Variants in RAB11FIP4 observed in about 807,000 individuals in gnomAD.
The protein encoded by RAB11FIP4 is rab11 family-interacting protein 4.
A neutral mutation model predicts 74.3 loss-of-function variants in RAB11FIP4; 23 were observed. The observed-to-expected ratio is 0.31, with a 90% CI of 0.22 to 0.44. RAB11FIP4 has a LOEUF of 0.44. RAB11FIP4 is among the 20% of genes least tolerant of loss of function. The pLI, the probability that RAB11FIP4 is intolerant of heterozygous loss-of-function variation, is 1.00. For synonymous variants in RAB11FIP4, 360 were observed against 359.9 expected (o/e 1.00, Z 0.00); for missense variants, 630 against 863.9 (o/e 0.73, Z 3.39).
intron 3 of RAB11FIP4, among the ~76,000 whole-genome samples, chr17:31,436,136 G>C (rs959144596): frequency 3.9e-5 from 6 of 152,118 alleles, no homozygotes; most frequent in African/African-American, 1.4e-4. Context: ...TACCCACGTG[G>C]GCCACCCAGG....
chr17:31,505,518 T>TATA lies in RAB11FIP4; in HGVS notation c.337-12132_337-12130dup, dbSNP rs1169346486. On this transcript the variant is annotated intron_variant, in intron 3 of 14. Coordinates refer to ENST00000621161, the MANE Select transcript of RAB11FIP4 (RefSeq NM_032932.6). ...TAATTATTATATTATATATAATAATTATATATTATATATAATTATTATATA... is the reference window on the plus strand; with the variant it reads ...TAATTATTATATTATATATAATAATTATAATATATTATATATAATTATTATATA... 5.9e-4 allele frequency among the ~76,000 whole-genome samples: 53 copies of TATA among 90,408 alleles called. 1 individual carries two copies. The highest frequency in any genetic ancestry group is 2.2e-3 in the African/African-American group (48 of 22,230). 59.3% of individuals were successfully genotyped at this position (90,408 alleles called of 152,430 possible).
chr17:31,411,991 A>G (rs1381035005), intron 1 of RAB11FIP4, among the ~76,000 whole-genome samples: 3 of 152,206 alleles, frequency 2.0e-5, no homozygotes, highest in Non-Finnish European at 4.4e-5. Context: ...CGAGCATCTC[A>G]TGAGGGGCCG....
intron 1 of RAB11FIP4, among the ~76,000 whole-genome samples, chr17:31,398,122 T>C (rs1171948758): frequency 6.6e-6 from 1 of 151,958 alleles, no homozygotes; most frequent in Admixed American, 6.6e-5. Context: ...CGTTGCAACC[T>C]CCAACTCCGG....
intron 3 of RAB11FIP4, among the ~76,000 whole-genome samples, chr17:31,447,238 T>C (rs372957756): frequency 3.3e-5 from 5 of 152,196 alleles, no homozygotes; most frequent in South Asian, 2.1e-4. Context: ...GAGCCGAGAT[T>C]GTGCCACTGC....
intron 3 of RAB11FIP4, chr17:31,488,156 T>C (rs2071934475): frequency 1.9e-6 from 2 of 1,058,400 alleles, no homozygotes; most frequent in Non-Finnish European, 1.1e-6. Context: ...CGATTGTTCC[T>C]GCGCTTCGGG....
At chr17:31,439,346 C>T (rs1044283560) in intron 3 of RAB11FIP4, among the ~76,000 whole-genome samples, 1 of 152,194 alleles carries the variant, frequency 6.6e-6, no homozygotes, top group African/African-American at 2.4e-5. Flanking sequence ...TATGAGATTG[C>T]CCCTTTCCCC....
chr17:31,397,812 G>A (rs2070944676), intron 1 of RAB11FIP4, among the ~76,000 whole-genome samples: 1 of 152,098 alleles, frequency 6.6e-6, no homozygotes, highest in Admixed American at 6.5e-5. Context: ...TGGCTGTGCT[G>A]GGAGGAGGCC....
chr17:31,446,974 A>AC (rs956794294), intron 3 of RAB11FIP4, among the ~76,000 whole-genome samples: 3 of 152,086 alleles, frequency 2.0e-5, no homozygotes, highest in African/African-American at 7.2e-5. Context: ...GCAAAGTGAG[A>AC]CCCCCATATC....
At chr17:31,443,872 G>C (rs1367379098) in intron 3 of RAB11FIP4, among the ~76,000 whole-genome samples, 1 of 152,210 alleles carries the variant, frequency 6.6e-6, no homozygotes, top group African/African-American at 2.4e-5. Flanking sequence ...CAGAGATTGT[G>C]CCACTGCACT....
Position 31,537,925 on chromosome 17 carries a change from A to C in RAB11FIP4, c.*6193A>C, listed in dbSNP as rs2072995102. 2 of 152,714 alleles carry C rather than the reference A, an allele frequency of 1.3e-5. No individual in the cohort carries two copies. Among genetic ancestry groups the C allele is most frequent in the Non-Finnish European group, 1.5e-5 (1 of 68,088 alleles). The allele number at this position is 152,714 out of a possible 1,614,324, so 9.5% of individuals were successfully genotyped here. A position where few individuals can be genotyped will look rare whatever the true frequency, so the allele number is the denominator to read the frequency against. Reference sequence around the variant, plus strand: ...TGGAATGAACTACACATGTGGCCTCATGCCCAAGGGTTTGTTAGATGGCCT... The same window carrying C: ...TGGAATGAACTACACATGTGGCCTCCTGCCCAAGGGTTTGTTAGATGGCCT... On this transcript the variant is annotated 3_prime_UTR_variant, in exon 15 of 15. Transcript: ENST00000621161.
intron 3 of RAB11FIP4, among the ~76,000 whole-genome samples, chr17:31,476,122 G>A (rs1464015960): frequency 1.4e-5 from 2 of 144,482 alleles, no homozygotes; most frequent in African/African-American, 5.1e-5. Context: ...TTCTGTGTTT[G>A]TAGTGACTTC....
At chr17:31,434,234 C>T (rs980857490) in intron 3 of RAB11FIP4, 112 bp downstream of exon 3, 3 of 825,886 alleles carry the variant, frequency 3.6e-6, no homozygotes, top group Non-Finnish European at 5.9e-6. Context: ...TCTGAGGACC[C>T]TTCTTGAGCA....
chr17:31,512,995 C>G lies in RAB11FIP4; in HGVS notation c.337-4656C>G, dbSNP rs2072480061. ...CCTGTCCCTGCCCCACCACTCCTGC[C>G]AGCCCTCCAGAGCCAGGCTTGGGTG... is the stretch of plus-strand genomic sequence containing the variant. On this transcript the variant is annotated intron_variant, in intron 3 of 14. Coordinates refer to ENST00000621161, the MANE Select transcript of RAB11FIP4 (RefSeq NM_032932.6). The surrounding 1 kb of genome is among the most constrained non-coding windows in gnomAD (Gnocchi z 4.1). 6.6e-6 allele frequency among the ~76,000 whole-genome samples: 1 copy of G among 152,126 alleles called. No individual in the cohort carries two copies. Among genetic ancestry groups the G allele is most frequent in the Admixed American group, 6.5e-5 (1 of 15,272 alleles).
At chr17:31,397,071 G>C (rs954058715) in intron 1 of RAB11FIP4, among the ~76,000 whole-genome samples, 1 of 152,282 alleles carries the variant, frequency 6.6e-6, no homozygotes, top group African/African-American at 2.4e-5. Flanking sequence ...GGCTGGGATC[G>C]ATGTCTTTTG....
In RAB11FIP4 at chr17:31,522,348, TTC is replaced by T. The variant is rs776953727; in HGVS notation, c.894-4_894-3del. ...CCCCTCTGTTCAATGACTGTTTCCT[TTC>T]TCTCTCTAGCCCCAACCGAAAGATC... On this transcript the variant is annotated splice_polypyrimidine_tract_variant and intron_variant, in intron 6 of 14. Coordinates refer to ENST00000621161, the MANE Select transcript of RAB11FIP4 (RefSeq NM_032932.6). 2.5e-5 allele frequency: 41 copies of T among 1,613,584 alleles called. No individual in the cohort carries two copies. Among genetic ancestry groups the T allele is most frequent in the Non-Finnish European group, 3.3e-5 (39 of 1,179,754 alleles).
intron 3 of RAB11FIP4, among the ~76,000 whole-genome samples, chr17:31,451,120 T>A (rs914606725): frequency 6.6e-5 from 10 of 152,158 alleles, no homozygotes; most frequent in Non-Finnish European, 1.3e-4. Context: ...GCATTCTCTC[T>A]TGTTTTTTGT....
intron 1 of RAB11FIP4, among the ~76,000 whole-genome samples, chr17:31,411,063 G>A (rs2071089051): frequency 6.6e-6 from 1 of 152,054 alleles, no homozygotes; most frequent in South Asian, 2.1e-4. Context: ...AGAATGCCAG[G>A]CTCAAACCTC....
At chr17:31,503,874 G>A (rs548461407) in intron 3 of RAB11FIP4, among the ~76,000 whole-genome samples, 51 of 149,424 alleles carry the variant, frequency 3.4e-4, no homozygotes, top group Admixed American at 2.3e-3. Context: ...CGAATAAACC[G>A]ATCAAAAAAT....
chr17:31,476,380 T>A (rs554634702), intron 3 of RAB11FIP4, among the ~76,000 whole-genome samples: 42 of 152,196 alleles, frequency 2.8e-4, no homozygotes, highest in African/African-American at 9.9e-4. Flanking sequence ...AGACGGGATT[T>A]CACCATGTTG....
Sources: gnomAD v4.1 joint callset for allele counts (sites outside exome capture counted in the v4.1 genomes callset) on GRCh38, gnomAD v4.1.1 for gene constraint, Gnocchi (gnomAD v3.1) non-coding constraint, MANE v1.5 for transcripts, NCBI Gene and HGNC (gene_info 2026-07-23, HGNC 2026-07-21) for gene names.